Variants in MTHFD1L observed in about 807,000 individuals in gnomAD.
MTHFD1L encodes the protein monofunctional C1-tetrahydrofolate synthase, mitochondrial.
In MTHFD1L, 81 loss-of-function variants were observed where a neutral mutation model predicts 119.5. That is an observed-to-expected ratio of 0.68 (90% CI 0.57 to 0.82). The LOEUF (loss-of-function observed/expected upper bound fraction) is 0.82. MTHFD1L is among the 40% of genes least tolerant of loss of function. The pLI is 0.00. For synonymous variants in MTHFD1L, 430 were observed against 475.2 expected (o/e 0.90, Z 1.24); for missense variants, 1,125 against 1,253.4 (o/e 0.90, Z 1.55).
intron 20 of MTHFD1L, among the ~76,000 whole-genome samples, chr6:150,974,503 G>A (rs565896096): frequency 6.6e-6 from 1 of 152,092 alleles, no homozygotes; most frequent in Admixed American, 6.5e-5. Flanking sequence ...CTTCATTGTT[G>A]TGCAACCAAG....
intron 20 of MTHFD1L, among the ~76,000 whole-genome samples, chr6:151,006,408 G>A (rs372279459): frequency 6.6e-6 from 1 of 152,114 alleles, no homozygotes; most frequent in African/African-American, 2.4e-5. Flanking sequence ...ACAGAGGCAC[G>A]AAGTCTGAGG....
chr6:151,062,261 C>T (rs1220817262), intron 26 of MTHFD1L, among the ~76,000 whole-genome samples: 1 of 152,082 alleles, frequency 6.6e-6, no homozygotes, highest in Non-Finnish European at 1.5e-5. Context: ...ACGATGAAAC[C>T]CCGTCTCTAC....
intron 20 of MTHFD1L, among the ~76,000 whole-genome samples, chr6:150,996,796 C>T (rs1307219200): frequency 6.9e-6 from 1 of 145,630 alleles, no homozygotes; most frequent in African/African-American, 2.5e-5. Context: ...CTATGGACCC[C>T]TGAAAGTAGG....
Position 151,018,931 on chromosome 6 carries a change from T to C in MTHFD1L, c.2586+3238T>C, listed in dbSNP as rs75702989. ...GGACTACAGAGGCGGTAGAGATCAA[T>C]TGAGGGAGAAGATTTTGGATGAGTG... On this transcript the variant is annotated intron_variant, in intron 24 of 27. Transcript: ENST00000367321. Among the ~76,000 whole-genome samples the C allele has an allele frequency of 1.4e-3, 206 of 152,282 alleles. 1 individual carries two copies. The highest frequency in any genetic ancestry group is 4.7e-3 in the African/African-American group (196 of 41,552).
chr6:151,051,008 G>A (rs767559941), intron 26 of MTHFD1L, among the ~76,000 whole-genome samples: 12 of 151,886 alleles, frequency 7.9e-5, no homozygotes, highest in African/African-American at 2.4e-4. Context: ...TCCACTCCCC[G>A]CCCTCCACCC....
intron 11 of MTHFD1L, among the ~76,000 whole-genome samples, chr6:150,932,161 CA>C (rs5880902): frequency 8.6e-4 from 34 of 39,476 alleles, no homozygotes; most frequent in Non-Finnish European, 1.2e-3. Flanking sequence ...GACTCCATCT[CA>C]AAAAAAAAAA....
intron 20 of MTHFD1L, among the ~76,000 whole-genome samples, chr6:150,976,319 G>A (rs1776559438): frequency 1.3e-5 from 2 of 152,196 alleles, no homozygotes; most frequent in Admixed American, 6.5e-5. Flanking sequence ...GTTCTAACCC[G>A]TCAACCCTTT....
At chr6:150,917,898 T>G (rs1788249629) in intron 8 of MTHFD1L, among the ~76,000 whole-genome samples, 1 of 152,172 alleles carries the variant, frequency 6.6e-6, no homozygotes. Flanking sequence ...TATTTCTATC[T>G]CTAATTATGC....
rs1262500439 is a variant in MTHFD1L at position 150,971,938 on chromosome 6, CTTCT to C, written c.2014-8_2014-5del. On this transcript the variant is annotated splice_polypyrimidine_tract_variant and splice_region_variant and intron_variant, in intron 19 of 27. Coordinates refer to ENST00000367321, the MANE Select transcript of MTHFD1L (RefSeq NM_015440.5). ...TTTGGGATTTTGATTTGCTTTTTCA[CTTCT>C]CTAGGGGACACCTGTGTTCGTGCAT... is the stretch of plus-strand genomic sequence containing the variant. 8 of 1,607,826 alleles carry C rather than the reference CTTCT, an allele frequency of 5.0e-6. No individual in the cohort carries two copies. The highest frequency in any genetic ancestry group is 6.8e-6 in the Non-Finnish European group (8 of 1,177,948).
At chr6:150,883,925 C>G (rs1298764145) in intron 5 of MTHFD1L, among the ~76,000 whole-genome samples, 5 of 152,096 alleles carry the variant, frequency 3.3e-5, no homozygotes, top group Non-Finnish European at 1.5e-5. Context: ...AGGCTACCAC[C>G]TTCCTGAGAC....
chr6:151,062,866 A>G (rs977586079), intron 26 of MTHFD1L, among the ~76,000 whole-genome samples: 1 of 151,956 alleles, frequency 6.6e-6, no homozygotes, highest in Non-Finnish European at 1.5e-5. Context: ...TCTTTAAGAT[A>G]TCCACTTCAC....
chr6:150,944,777 A>G (rs547886570), intron 14 of MTHFD1L, among the ~76,000 whole-genome samples, 184 bp downstream of exon 14: 5 of 152,334 alleles, frequency 3.3e-5, no homozygotes, highest in Admixed American at 6.5e-5. Context: ...CAGATTCTCA[A>G]ATGGGTTTAT....
rs1293647499 is a variant in MTHFD1L, at chr6:151,039,531, G to T, written c.2847+2414G>T. 1.3e-5 allele frequency among the ~76,000 whole-genome samples: 2 copies of T among 152,138 alleles called. No individual in the cohort carries two copies. Among genetic ancestry groups the T allele is most frequent in the Non-Finnish European group, 2.9e-5 (2 of 68,032 alleles). On this transcript the variant is annotated intron_variant, in intron 26 of 27. Coordinates refer to ENST00000367321, the MANE Select transcript of MTHFD1L (RefSeq NM_015440.5). The surrounding 1 kb of genome is among the most constrained non-coding windows in gnomAD (Gnocchi z 4.4). ...AGCTTCCCAAGTAGCTGTGACTACA[G>T]GCTCATGCCACTGTGCCAGGCCTGT... is the stretch of plus-strand genomic sequence containing the variant.
intron 6 of MTHFD1L, among the ~76,000 whole-genome samples, chr6:150,887,284 T>A (rs1329127608): frequency 6.6e-6 from 1 of 152,150 alleles, no homozygotes; most frequent in Non-Finnish European, 1.5e-5. Flanking sequence ...TAGAAAGTAC[T>A]CAAAGAAAAG....
chr6:150,908,662 A>G (rs1749910500), intron 8 of MTHFD1L, among the ~76,000 whole-genome samples: 1 of 151,970 alleles, frequency 6.6e-6, no homozygotes, highest in African/African-American at 2.4e-5. Flanking sequence ...AATGGGCTCA[A>G]CTAGGCAGTC....
At chr6:150,902,424 GAGAT>G (rs1785223490) in intron 7 of MTHFD1L, among the ~76,000 whole-genome samples, 1 of 152,188 alleles carries the variant, frequency 6.6e-6, no homozygotes, top group African/African-American at 2.4e-5. Flanking sequence ...AATTTGTTAT[GAGAT>G]AGAGTTTTAA....
At chr6:151,091,218 T>C (rs78261129) in intron 26 of MTHFD1L, among the ~76,000 whole-genome samples, 122 of 34,200 alleles carry the variant, frequency 3.6e-3, no homozygotes, top group African/African-American at 8.1e-3. Flanking sequence ...GGTGCAGCAT[T>C]GCCCCATGTG....
chr6:150,959,072 AT>A (rs1796061067), intron 17 of MTHFD1L: 1 of 543,720 alleles, frequency 1.8e-6, no homozygotes. Flanking sequence ...AGAACCCTAA[AT>A]TTCATACAAT....
chr6:150,922,726 C>G (rs753750692), intron 10 of MTHFD1L, among the ~76,000 whole-genome samples: 6 of 148,496 alleles, frequency 4.0e-5, no homozygotes, highest in African/African-American at 7.4e-5. Flanking sequence ...TCACTGCAAC[C>G]TCTACCTCCC....
Sources: allele counts gnomAD v4.1 joint callset (sites outside exome capture counted in the v4.1 genomes callset), GRCh38; gene constraint gnomAD v4.1.1; non-coding constraint Gnocchi (gnomAD v3.1); transcripts MANE v1.5; gene names NCBI Gene and HGNC (gene_info 2026-07-23, HGNC 2026-07-21).